TMEM98: variants seen among roughly 807,000 people sequenced by gnomAD.
TMEM98 encodes the protein transmembrane protein 98.
In TMEM98, 18 loss-of-function variants were observed where a neutral mutation model predicts 25.0. The ratio of observed to expected loss-of-function variants is 0.72; its 90% confidence interval spans 0.50 to 1.07. TMEM98 has a LOEUF of 1.07. TMEM98 is among the 50% of genes least tolerant of loss of function. TMEM98 has a pLI of 0.00. For synonymous variants in TMEM98, 103 were observed against 112.4 expected (o/e 0.92, Z 0.53); for missense variants, 241 against 289.0 (o/e 0.83, Z 1.20).
At chr17:32,934,519 C>T (rs1417957167) in intron 5 of TMEM98, among the ~76,000 whole-genome samples, 195 bp downstream of exon 5, 1 of 152,186 alleles carries the variant, frequency 6.6e-6, no homozygotes, top group East Asian at 1.9e-4. Context: ...AAGGCTGTTT[C>T]AAAGGCTTTA....
intron 1 of TMEM98, chr17:32,930,768 A>G (rs2091463998): frequency 1.3e-5 from 2 of 152,248 alleles, no homozygotes. Flanking sequence ...GGAAAAGTTA[A>G]CAAAGAACCT....
chr17:32,929,757 A>C lies in TMEM98; in HGVS notation c.-131+1520A>C, dbSNP rs1053000308. ...GGCACTTTAAGCCAGGCATGTCCCA[A>C]CCTTGTCTACCTGGCAAACTCCTGC... is the stretch of plus-strand genomic sequence containing the variant. On this transcript the variant is annotated intron_variant, in intron 1 of 7. Transcript: ENST00000579849. 2.6e-5 allele frequency among the ~76,000 whole-genome samples: 4 copies of C among 152,100 alleles called. No individual in the cohort carries two copies. The South Asian group carries it at 6.2e-4, about 24-fold the overall frequency.
chr17:32,932,087 A>G (rs1354354004), intron 3 of TMEM98, among the ~76,000 whole-genome samples: 1 of 148,552 alleles, frequency 6.7e-6, no homozygotes, highest in Non-Finnish European at 1.5e-5. Context: ...CTCTCTTTGC[A>G]CAGCAGATTT....
intron 5 of TMEM98, among the ~76,000 whole-genome samples, chr17:32,934,747 C>A (rs2091487337): frequency 6.6e-6 from 1 of 152,168 alleles, no homozygotes; most frequent in African/African-American, 2.4e-5. Context: ...TCTACTGTGA[C>A]TAGAAAGTCA....
At chr17:32,935,391 C>G (rs2091490899) in intron 5 of TMEM98, among the ~76,000 whole-genome samples, 1 of 152,170 alleles carries the variant, frequency 6.6e-6, no homozygotes, top group African/African-American at 2.4e-5. Flanking sequence ...GTCTCCTGTC[C>G]TCATCTATTA....
chr17:32,936,211 G>T, intron 5 of TMEM98, 121 bp from the exon 6 acceptor site: 1 of 721,644 alleles, frequency 1.4e-6, no homozygotes, highest in Non-Finnish European at 2.3e-6. Flanking sequence ...TTCACATCTG[G>T]CCATTAGGTT....
intron 6 of TMEM98, 103 bp downstream of exon 6, chr17:32,936,550 A>C: frequency 8.8e-6 from 8 of 905,662 alleles, no homozygotes; most frequent in Non-Finnish European, 1.4e-5. Flanking sequence ...AATGGTGCAC[A>C]GGCAACTTCA....
chr17:32,933,803 G>A (rs2091481992), intron 4 of TMEM98, among the ~76,000 whole-genome samples: 1 of 152,230 alleles, frequency 6.6e-6, no homozygotes, highest in Admixed American at 6.5e-5. Context: ...GACAGTTATA[G>A]TCAGTATCAC....
In TMEM98 at chr17:32,944,150, C is replaced by G. The variant is rs1026492809; in HGVS notation, c.*3157C>G. On this transcript the variant is annotated 3_prime_UTR_variant, in exon 8 of 8. Transcript: ENST00000579849. ...CCTGACCTGCCTCATTCCAGGAGTT[C>G]CCTCTCCAGAGACCCTGTGTGCCCA... is the stretch of plus-strand genomic sequence containing the variant. 7 of 150,510 alleles carry G rather than the reference C, an allele frequency of 4.7e-5. No homozygotes were observed. Among genetic ancestry groups the G allele is most frequent in the Non-Finnish European group, 1.0e-4 (7 of 67,398 alleles). The allele number at this position is 150,510 out of a possible 1,614,324, so 9.3% of individuals were successfully genotyped here. A position where few individuals can be genotyped will look rare whatever the true frequency, so the allele number is the denominator to read the frequency against.
At chr17:32,929,148 ACACT>A (rs1184839328) in intron 1 of TMEM98, among the ~76,000 whole-genome samples, 7 of 152,096 alleles carry the variant, frequency 4.6e-5, no homozygotes, top group African/African-American at 1.4e-4. Flanking sequence ...CATTCAGAAA[ACACT>A]CAGAAACATA....
chr17:32,929,328 G>T (rs947522390), intron 1 of TMEM98, among the ~76,000 whole-genome samples: 31 of 152,034 alleles, frequency 2.0e-4, no homozygotes, highest in African/African-American at 7.0e-4. Context: ...CACACCCAGA[G>T]AAACACGATC....
At position 32,943,155 on chromosome 17, in the gene TMEM98, G is replaced by C. The variant is rs1206302675; in HGVS notation, c.*2162G>C. The C allele has an allele frequency of 6.6e-6, 1 of 152,334 alleles. No individual in the cohort carries two copies. Among genetic ancestry groups the C allele is most frequent in the Non-Finnish European group, 1.5e-5 (1 of 68,150 alleles). The allele number at this position is 152,334 out of a possible 1,614,324, so 9.4% of individuals were successfully genotyped here. ...TGCTGCCCTTTCTGTTGTGAGGAGA[G>C]GTTGCCGAAGATATTGGAGGTGTCT... is the stretch of plus-strand genomic sequence containing the variant. On this transcript the variant is annotated 3_prime_UTR_variant, in exon 8 of 8. Coordinates refer to ENST00000579849, the MANE Select transcript of TMEM98 (RefSeq NM_015544.3).
Position 32,940,775 on chromosome 17 carries a change from T to C in TMEM98, c.474-11T>C. ...CTAGGAAACCTGACCCTATTTTCTT[T>C]TTTTCCCTAGGACGACTGCCCTGCT... On this transcript the variant is annotated splice_polypyrimidine_tract_variant and intron_variant, in intron 7 of 7. Coordinates refer to ENST00000579849, the MANE Select transcript of TMEM98 (RefSeq NM_015544.3). 6.2e-7 allele frequency: 1 copy of C among 1,606,762 alleles called. No individual in the cohort carries two copies. The highest frequency in any genetic ancestry group is 8.5e-7 in the Non-Finnish European group (1 of 1,177,896).
intron 6 of TMEM98, among the ~76,000 whole-genome samples, chr17:32,938,302 C>T (rs909386907): frequency 3.3e-5 from 5 of 152,088 alleles, no homozygotes; most frequent in Non-Finnish European, 7.4e-5. Flanking sequence ...CTGTGAGTCT[C>T]GAGGAGGTGG....
intron 5 of TMEM98, among the ~76,000 whole-genome samples, chr17:32,934,783 G>A (rs28922): frequency 0.34 from 51,138 of 152,020 alleles, 8,684 homozygotes; most frequent in East Asian, 0.4. Flanking sequence ...GGCTGTGACC[G>A]TAGTCAGCCA....
At chr17:32,933,809 A>G (rs1359385142) in intron 4 of TMEM98, among the ~76,000 whole-genome samples, 2 of 152,250 alleles carry the variant, frequency 1.3e-5, no homozygotes, top group African/African-American at 4.8e-5. Context: ...TATAGTCAGT[A>G]TCACAGAAAC....
chr17:32,932,438 A>G (rs2091474945), intron 3 of TMEM98, among the ~76,000 whole-genome samples: 1 of 152,156 alleles, frequency 6.6e-6, no homozygotes, highest in African/African-American at 2.4e-5. Context: ...TGTATGTGAA[A>G]TATATTTTGT....
Position 32,940,661 on chromosome 17 carries a change from T to C in TMEM98, c.474-125T>C, listed in dbSNP as rs571507665. ...TGGAGCCAACTTTAAATTGCATACC[T>C]ACCAACATCCTAGGGAAGGGTGTGC... is the stretch of plus-strand genomic sequence containing the variant. On this transcript the variant is annotated intron_variant, in intron 7 of 7. Coordinates refer to ENST00000579849, the MANE Select transcript of TMEM98 (RefSeq NM_015544.3). 5.4e-6 allele frequency: 5 copies of C among 918,204 alleles called. No homozygotes were observed. The East Asian group carries it at 9.8e-5, about 18-fold the overall frequency. The allele number at this position is 918,204 out of a possible 1,614,324, so 56.9% of individuals were successfully genotyped here. A position where few individuals can be genotyped will look rare whatever the true frequency, so the allele number is the denominator to read the frequency against.
At chr17:32,938,169 C>T (rs1042547114) in intron 6 of TMEM98, among the ~76,000 whole-genome samples, 5 of 152,186 alleles carry the variant, frequency 3.3e-5, no homozygotes, top group African/African-American at 7.2e-5. Flanking sequence ...TAGAATGCTC[C>T]GTGCCATAAT....
Sources: gnomAD v4.1 joint callset for allele counts (sites outside exome capture counted in the v4.1 genomes callset) on GRCh38, gnomAD v4.1.1 for gene constraint, MANE v1.5 for transcripts, NCBI Gene and HGNC (gene_info 2026-07-23, HGNC 2026-07-21) for gene names.